Variants in C10orf90 observed in about 807,000 individuals in gnomAD.
C10orf90 encodes (E2-independent) E3 ubiquitin-conjugating enzyme FATS.
C10orf90 carries 56 observed loss-of-function variants against 62.5 expected under a neutral mutation model. The ratio of observed to expected loss-of-function variants is 0.90; its 90% confidence interval spans 0.72 to 1.12. The LOEUF is 1.12. C10orf90 is among the 50% of genes most tolerant of loss of function. The pLI, the probability that C10orf90 is intolerant of heterozygous loss-of-function variation, is 0.00. For synonymous variants in C10orf90, 386 were observed against 340.4 expected, an observed-to-expected ratio of 1.13 and a Z score of -1.47; for missense variants, 970 against 880.4, an observed-to-expected ratio of 1.10 and a Z score of -1.29.
At chr10:126,611,175 C>T (rs1473740937) in intron 2 of C10orf90, among the ~76,000 whole-genome samples, 3 of 152,122 alleles carry the variant, frequency 2.0e-5, no homozygotes, top group Non-Finnish European at 2.9e-5. Flanking sequence ...TACTGTAAGC[C>T]AACACTCATC....
chr10:126,449,651 C>G (rs1257037648), intron 7 of C10orf90, among the ~76,000 whole-genome samples: 2 of 152,112 alleles, frequency 1.3e-5, no homozygotes, highest in African/African-American at 4.8e-5. Flanking sequence ...CACCACAAAA[C>G]AGAAATAATA....
In C10orf90 at chr10:126,470,577, A is replaced by AAAACAAACAAACAAACAAAC. The variant is rs10637715; in HGVS notation, c.1535-5611_1535-5592dup. Among the ~76,000 whole-genome samples the AAAACAAACAAACAAACAAAC allele has an allele frequency of 8.3e-4, 125 of 150,030 alleles. 1 individual carries two copies. Among genetic ancestry groups the AAAACAAACAAACAAACAAAC allele is most frequent in the Middle Eastern group, 3.4e-3 (1 of 294 alleles). ...AGACCCTAACTCTACTAAAAACTAA[A>AAAACAAACAAACAAACAAAC]AAACAAACAAACAAACAAACAAACT... On this transcript the variant is annotated intron_variant, in intron 4 of 9. Coordinates refer to ENST00000488181, the MANE Select transcript of C10orf90 (RefSeq NM_001350921.2).
intron 2 of C10orf90, among the ~76,000 whole-genome samples, chr10:126,559,420 T>G (rs561495251): frequency 7.2e-5 from 11 of 152,244 alleles, no homozygotes; most frequent in Non-Finnish European, 1.3e-4. Context: ...TGCTCTCATC[T>G]GTCATTTCTC....
chr10:126,457,799 G>A (rs1859679173), intron 7 of C10orf90, among the ~76,000 whole-genome samples: 1 of 152,160 alleles, frequency 6.6e-6, no homozygotes, highest in East Asian at 1.9e-4. Context: ...GTCTGTGCCT[G>A]AACCCAGTTT....
intron 2 of C10orf90, among the ~76,000 whole-genome samples, chr10:126,587,507 A>G (rs936759493): frequency 1.3e-5 from 2 of 152,184 alleles, no homozygotes; most frequent in Non-Finnish European, 2.9e-5. Flanking sequence ...ATCTGTTTTC[A>G]TAAGGATACT....
intron 2 of C10orf90, among the ~76,000 whole-genome samples, chr10:126,567,627 G>A (rs1844420340): frequency 6.6e-6 from 1 of 152,178 alleles, no homozygotes; most frequent in Non-Finnish European, 1.5e-5. Context: ...AGGTGACCTG[G>A]AGGAGACCAC....
At chr10:126,669,006 C>CACTGTTGTAA (rs72163291) in intron 1 of C10orf90, among the ~76,000 whole-genome samples, 2 of 151,802 alleles carry the variant, frequency 1.3e-5, no homozygotes, top group African/African-American at 4.8e-5. Flanking sequence ...AAGCTATGAA[C>CACTGTTGTAA]AATGCATAAT....
intron 2 of C10orf90, among the ~76,000 whole-genome samples, chr10:126,638,415 GGT>G (rs973310624): frequency 1.3e-5 from 2 of 152,202 alleles, no homozygotes; most frequent in Admixed American, 1.3e-4. Context: ...TTGCCTGGTT[GGT>G]GTCCACACTT....
intron 2 of C10orf90, among the ~76,000 whole-genome samples, chr10:126,548,899 G>A (rs1350003479): frequency 1.3e-5 from 2 of 152,044 alleles, no homozygotes; most frequent in African/African-American, 4.8e-5. Flanking sequence ...TTTGACAAAG[G>A]TGCAAAAGCA....
intron 2 of C10orf90, among the ~76,000 whole-genome samples, chr10:126,565,335 T>TATATATA (rs1176802916): frequency 2.0e-4 from 9 of 44,454 alleles, no homozygotes; most frequent in African/African-American, 4.6e-4. Flanking sequence ...ATATTTATAT[T>TATATATA]ATATATAATA....
chr10:126,614,257 T>C (rs1220875739), intron 2 of C10orf90, among the ~76,000 whole-genome samples: 1 of 152,166 alleles, frequency 6.6e-6, no homozygotes, highest in African/African-American at 2.4e-5. Context: ...ATCCTCACTT[T>C]ACAGAGAAAA....
At chr10:126,665,106 T>C (rs1258978779) in intron 1 of C10orf90, among the ~76,000 whole-genome samples, 3 of 152,176 alleles carry the variant, frequency 2.0e-5, no homozygotes, top group Admixed American at 6.5e-5. Context: ...TCCCAGCCTG[T>C]TGGCAGAGTG....
At chr10:126,426,118 A>G in intron 8 of C10orf90, 28 bp from the exon 9 acceptor site, 1 of 1,584,294 alleles carries the variant, frequency 6.3e-7, no homozygotes, top group Non-Finnish European at 8.7e-7. Context: ...AACATTTGGA[A>G]TGGTAGCTTG....
At chr10:126,630,637 C>T (rs986767842) in intron 2 of C10orf90, among the ~76,000 whole-genome samples, 1 of 152,136 alleles carries the variant, frequency 6.6e-6, no homozygotes, top group African/African-American at 2.4e-5. Flanking sequence ...GAAGCCCCCA[C>T]AAGCACCATG....
chr10:126,647,867 G>A (rs993000664), intron 1 of C10orf90, among the ~76,000 whole-genome samples: 2 of 152,216 alleles, frequency 1.3e-5, no homozygotes, highest in African/African-American at 4.8e-5. Context: ...AACAGGCCAA[G>A]GTCACCTAGC....
At chr10:126,644,589 C>T (rs1846128885) in intron 2 of C10orf90, among the ~76,000 whole-genome samples, 1 of 152,220 alleles carries the variant, frequency 6.6e-6, no homozygotes, top group Non-Finnish European at 1.5e-5. Flanking sequence ...CCCTCCCAAC[C>T]CAGGGTTGCC....
At chr10:126,457,892 C>A (rs1005463731) in intron 7 of C10orf90, among the ~76,000 whole-genome samples, 1 of 152,228 alleles carries the variant, frequency 6.6e-6, no homozygotes, top group African/African-American at 2.4e-5. Flanking sequence ...ACTTATAGCA[C>A]TGGTTAGAGA....
At chr10:126,449,271 A>T (rs539841203) in intron 7 of C10orf90, among the ~76,000 whole-genome samples, 1 of 152,246 alleles carries the variant, frequency 6.6e-6, no homozygotes, top group Non-Finnish European at 1.5e-5. Flanking sequence ...CATTAACAGA[A>T]TAAAGGACAA....
chr10:126,503,681 G>A (rs1862531213), intron 4 of C10orf90, among the ~76,000 whole-genome samples: 1 of 152,144 alleles, frequency 6.6e-6, no homozygotes, highest in South Asian at 2.1e-4. Flanking sequence ...TCCTTTGGAG[G>A]CCCTCATTTC....
Sources: gnomAD v4.1 joint callset for allele counts (sites outside exome capture counted in the v4.1 genomes callset) on GRCh38, gnomAD v4.1.1 for gene constraint, MANE v1.5 for transcripts, NCBI Gene and HGNC (gene_info 2026-07-23, HGNC 2026-07-21) for gene names.